The following FGF12 variants were observed in gnomAD, a reference collection of about 807,000 sequenced individuals.
The protein encoded by FGF12 is fibroblast growth factor 12B.
In FGF12, 14 loss-of-function variants were observed where a neutral mutation model predicts 23.6. The observed-to-expected ratio is 0.59, with a 90% confidence interval of 0.39 to 0.93. The LOEUF (loss-of-function observed/expected upper bound fraction) is 0.93, where lower values mean the gene tolerates loss of function less well. Among genes scored for constraint, FGF12 ranks in the 40% least tolerant of loss-of-function variants. FGF12 has a pLI of 0.00. For missense variants in FGF12, 175 were observed against 217.8 expected (o/e 0.80, Z 1.24); for synonymous variants, 62 against 77.3 (o/e 0.80, Z 1.04).
At chr3:192,721,075 C>T (rs909941838) in intron 2 of FGF12, among the ~76,000 whole-genome samples, 4 of 152,122 alleles carry the variant, frequency 2.6e-5, no homozygotes, top group Admixed American at 6.5e-5. Flanking sequence ...CAAGAAATCC[C>T]TTTTGGTAAA....
intron 2 of FGF12, among the ~76,000 whole-genome samples, chr3:192,442,130 T>C (rs1187883727): frequency 6.6e-6 from 1 of 152,110 alleles, no homozygotes. Flanking sequence ...TAGTGCAAAA[T>C]AAACTGCCAG....
intron 4 of FGF12, among the ~76,000 whole-genome samples, chr3:192,206,242 G>A (rs1717643142): frequency 6.6e-6 from 1 of 152,140 alleles, no homozygotes; most frequent in African/African-American, 2.4e-5. Flanking sequence ...GCAACGGAAG[G>A]GGAAATCTCA....
At chr3:192,245,067 A>C (rs1448833490) in intron 4 of FGF12, 2 of 152,110 alleles carry the variant, frequency 1.3e-5, no homozygotes, top group Non-Finnish European at 2.9e-5. Context: ...CATAAGCCCA[A>C]CTTACTGTGT....
At chr3:192,150,824 T>A (rs954305503) in intron 5 of FGF12, among the ~76,000 whole-genome samples, 22 of 141,384 alleles carry the variant, frequency 1.6e-4, no homozygotes, top group Non-Finnish European at 2.6e-4. Flanking sequence ...CATATGAACT[T>A]TAAAGTAGTT....
rs868754866 is a variant in FGF12 at position 192,336,919 on chromosome 3, G to A, written c.125-1455C>T. On this transcript the variant is annotated intron_variant, in intron 3 of 5. Coordinates refer to ENST00000445105, the MANE Select transcript of FGF12 (RefSeq NM_004113.6). This position sits in a 1 kb window ranked among gnomAD's most constrained non-coding sequence, Gnocchi z 4.3. ...GATTCCATTCTTAGCTGTCGACATCGGATCAGTCCTTTTGCCTCTTTGAAT... is the reference window on the plus strand; with the variant it reads ...GATTCCATTCTTAGCTGTCGACATCAGATCAGTCCTTTTGCCTCTTTGAAT... Among the ~76,000 whole-genome samples, 2 of 152,208 alleles carry A rather than the reference G, an allele frequency of 1.3e-5. No homozygotes were observed. The highest frequency in any genetic ancestry group is 2.4e-5 in the African/African-American group (1 of 41,546).
At chr3:192,396,901 A>G (rs1560098669) in intron 2 of FGF12, among the ~76,000 whole-genome samples, 1 of 152,228 alleles carries the variant, frequency 6.6e-6, no homozygotes. Flanking sequence ...AGTTTCAGTG[A>G]AAATAACAAG....
intron 2 of FGF12, among the ~76,000 whole-genome samples, chr3:192,596,761 C>T (rs927096487): frequency 6.6e-6 from 1 of 152,212 alleles, no homozygotes; most frequent in Non-Finnish European, 1.5e-5. Context: ...CTATTTTACA[C>T]ACACACAATT....
chr3:192,330,282 AAAAT>A (rs1181560456), intron 4 of FGF12, among the ~76,000 whole-genome samples: 9 of 152,178 alleles, frequency 5.9e-5, no homozygotes, highest in African/African-American at 1.7e-4. Flanking sequence ...ATCTTAAGAA[AAAAT>A]AAATAAATAA....
intron 4 of FGF12, among the ~76,000 whole-genome samples, chr3:192,299,081 C>T (rs1163790189): frequency 6.6e-6 from 1 of 152,156 alleles, no homozygotes; most frequent in Non-Finnish European, 1.5e-5. Flanking sequence ...AATTTCAACA[C>T]CTGATTTGAA....
At chr3:192,703,467 G>T (rs553044553) in intron 2 of FGF12, among the ~76,000 whole-genome samples, 28 of 152,310 alleles carry the variant, frequency 1.8e-4, no homozygotes, top group Non-Finnish European at 3.5e-4. Context: ...GATCATGATG[G>T]TAGTTGCTGA....
At chr3:192,492,739 A>G (rs1723836689) in intron 2 of FGF12, among the ~76,000 whole-genome samples, 1 of 152,154 alleles carries the variant, frequency 6.6e-6, no homozygotes, top group South Asian at 2.1e-4. Flanking sequence ...ATTCTTCAAG[A>G]GGTGCAAGAA....
At chr3:192,326,367 T>A (rs6795342) in intron 4 of FGF12, among the ~76,000 whole-genome samples, 1,530 of 152,236 alleles carry the variant, frequency 0.01, 25 homozygotes, top group African/African-American at 0.034. Context: ...GAGGAGGGAA[T>A]AACAACCACT....
chr3:192,296,057 T>C (rs1168730040), intron 4 of FGF12, among the ~76,000 whole-genome samples: 1 of 138,362 alleles, frequency 7.2e-6, no homozygotes, highest in African/African-American at 2.7e-5. Flanking sequence ...ACTTTGTTTT[T>C]CTTTCTTTTT....
chr3:192,383,768 G>A (rs145412826), intron 2 of FGF12, among the ~76,000 whole-genome samples: 8 of 152,142 alleles, frequency 5.3e-5, no homozygotes, highest in African/African-American at 1.7e-4. Flanking sequence ...AATATTAGAA[G>A]AGGAACAGAT....
At chr3:192,321,528 T>C (rs1020251309) in intron 4 of FGF12, among the ~76,000 whole-genome samples, 12 of 142,560 alleles carry the variant, frequency 8.4e-5, no homozygotes, top group Admixed American at 7.0e-4. Flanking sequence ...AAAAAAACTA[T>C]AGGCTAGTGT....
At chr3:192,528,491 G>A (rs1725008824) in intron 2 of FGF12, among the ~76,000 whole-genome samples, 1 of 152,058 alleles carries the variant, frequency 6.6e-6, no homozygotes, top group South Asian at 2.1e-4. Context: ...GCTTTTCTAG[G>A]TACACGGTAC....
In FGF12 at chr3:192,300,808, G is replaced by A. The variant is rs144127313; in HGVS notation, c.228+34553C>T. On this transcript the variant is annotated intron_variant, in intron 4 of 5. Coordinates refer to ENST00000445105, the MANE Select transcript of FGF12 (RefSeq NM_004113.6). ...AAGGGGGGCTGAGCACTTGCAACTAGGAGTTTGAGACCACCCTGGACAACA... is the reference window on the plus strand; with the variant it reads ...AAGGGGGGCTGAGCACTTGCAACTAAGAGTTTGAGACCACCCTGGACAACA... Among the ~76,000 whole-genome samples, 840 of 152,068 alleles carry A rather than the reference G, an allele frequency of 5.5e-3. 6 individuals are homozygous for A. The highest frequency in any genetic ancestry group is 0.018 in the African/African-American group (739 of 41,452).
intron 4 of FGF12, among the ~76,000 whole-genome samples, chr3:192,197,418 G>A (rs1014999651): frequency 3.9e-5 from 6 of 152,154 alleles, no homozygotes; most frequent in Admixed American, 1.3e-4. Flanking sequence ...TGAAGGTAAC[G>A]ACATTTGAAC....
intron 4 of FGF12, among the ~76,000 whole-genome samples, chr3:192,224,655 G>T (rs1053432482): frequency 6.6e-6 from 1 of 151,714 alleles, no homozygotes; most frequent in Non-Finnish European, 1.5e-5. Flanking sequence ...ACTCTCCAAG[G>T]CTCAATGTTT....
Sources: gnomAD v4.1 joint callset for allele counts (sites outside exome capture counted in the v4.1 genomes callset) on GRCh38, gnomAD v4.1.1 for gene constraint, Gnocchi (gnomAD v3.1) non-coding constraint, MANE v1.5 for transcripts, NCBI Gene and HGNC (gene_info 2026-07-23, HGNC 2026-07-21) for gene names.